The following SCHIP1 variants were observed in gnomAD, a reference collection of about 807,000 sequenced individuals.
SCHIP1 encodes the protein schwannomin-interacting protein 1.
A neutral mutation model predicts 29.7 loss-of-function variants in SCHIP1; 8 were observed. The observed-to-expected ratio is 0.27, with a 90% CI of 0.16 to 0.49. The LOEUF is 0.49. Among genes scored for constraint, SCHIP1 ranks in the 20% least tolerant of loss-of-function variants. The pLI is 0.99. For missense variants in SCHIP1, 193 were observed against 294.6 expected (o/e 0.66, Z 2.52); for synonymous variants, 76 against 94.9 (o/e 0.80, Z 1.16).
the SCHIP1 span, among the ~76,000 whole-genome samples, chr3:159,599,737 C>A: frequency 6.6e-6 from 1 of 152,104 alleles, no homozygotes; most frequent in Non-Finnish European, 1.5e-5. Context: ...ATCTTATTGT[C>A]ATTGCGGTCT....
the SCHIP1 span, among the ~76,000 whole-genome samples, chr3:159,493,869 A>C: frequency 6.6e-6 from 1 of 152,148 alleles, no homozygotes; most frequent in Admixed American, 6.5e-5. Context: ...ACTCCTCAGC[A>C]AATGTAAAAG....
At chr3:159,888,053 T>C (rs1717130745) in intron 4 of SCHIP1, 148 bp downstream of exon 5, 1 of 1,124,660 alleles carries the variant, frequency 8.9e-7, no homozygotes, top group Non-Finnish European at 1.2e-6. Context: ...TTAAGTTTGT[T>C]TCTTTTTCCT....
chr3:159,708,444 A>G, the SCHIP1 span, among the ~76,000 whole-genome samples: 1 of 152,238 alleles, frequency 6.6e-6, no homozygotes, highest in Non-Finnish European at 1.5e-5. Context: ...ATGAAGAGGG[A>G]TGGACAGAAG....
At chr3:159,351,393 T>A in the SCHIP1 span, among the ~76,000 whole-genome samples, 1 of 152,152 alleles carries the variant, frequency 6.6e-6, no homozygotes, top group East Asian at 1.9e-4. Context: ...CATTTTCCAA[T>A]ACCTCCCACT....
the SCHIP1 span, among the ~76,000 whole-genome samples, chr3:159,498,751 T>C: frequency 0.27 from 41,629 of 151,982 alleles, 5,973 homozygotes; most frequent in East Asian, 0.4. Context: ...CCACTAGAAA[T>C]TACTAACGAA....
At chr3:159,828,850 C>T in the SCHIP1 span, among the ~76,000 whole-genome samples, 1 of 152,246 alleles carries the variant, frequency 6.6e-6, no homozygotes, top group African/African-American at 2.4e-5. Context: ...CCCTTATTCC[C>T]CTACACACAT....
the SCHIP1 span, among the ~76,000 whole-genome samples, chr3:159,275,848 A>G: frequency 6.6e-6 from 1 of 152,136 alleles, no homozygotes; most frequent in African/African-American, 2.4e-5. Flanking sequence ...TTTTTTAAAT[A>G]ACATTCTGGT....
chr3:159,469,718 A>G, the SCHIP1 span, among the ~76,000 whole-genome samples: 1 of 152,168 alleles, frequency 6.6e-6, no homozygotes, highest in Non-Finnish European at 1.5e-5. Context: ...CTTCTACATG[A>G]GTCCCTGATG....
chr3:159,523,420 C>A, the SCHIP1 span, among the ~76,000 whole-genome samples: 1 of 151,980 alleles, frequency 6.6e-6, no homozygotes, highest in Non-Finnish European at 1.5e-5. Context: ...AAGTTTATTT[C>A]TTAAAGAATA....
the SCHIP1 span, among the ~76,000 whole-genome samples, chr3:159,470,738 A>G: frequency 1.3e-5 from 2 of 152,136 alleles, no homozygotes; most frequent in East Asian, 3.8e-4. Context: ...TATTTCATCA[A>G]CTGTCGAACC....
At chr3:159,815,851 C>A in the SCHIP1 span, among the ~76,000 whole-genome samples, 1 of 152,080 alleles carries the variant, frequency 6.6e-6, no homozygotes, top group African/African-American at 2.4e-5. Context: ...TCAAATCACT[C>A]CCCTTCCCAT....
At chr3:159,669,813 C>T in the SCHIP1 span, among the ~76,000 whole-genome samples, 1 of 152,160 alleles carries the variant, frequency 6.6e-6, no homozygotes, top group Non-Finnish European at 1.5e-5. Flanking sequence ...AGGCCCTTTC[C>T]AGAGACAACC....
chr3:159,397,556 G>C, the SCHIP1 span, among the ~76,000 whole-genome samples: 2 of 152,136 alleles, frequency 1.3e-5, no homozygotes, highest in South Asian at 4.1e-4. Flanking sequence ...ACCCTCAGCT[G>C]CAGGTCTGTT....
At chr3:159,579,619 G>A in the SCHIP1 span, among the ~76,000 whole-genome samples, 164 of 152,276 alleles carry the variant, frequency 1.1e-3, no homozygotes, top group African/African-American at 3.8e-3. Context: ...GGAGTTGAGA[G>A]GAAGGAATAA....
At chr3:159,710,027 T>C in the SCHIP1 span, among the ~76,000 whole-genome samples, 2 of 152,186 alleles carry the variant, frequency 1.3e-5, no homozygotes, top group Non-Finnish European at 2.9e-5. Flanking sequence ...GAAAATAATA[T>C]GGAGATTCCT....
At chr3:159,677,838 TTTTTG>T in the SCHIP1 span, among the ~76,000 whole-genome samples, 1 of 152,162 alleles carries the variant, frequency 6.6e-6, no homozygotes, top group Non-Finnish European at 1.5e-5. Flanking sequence ...TTGCTCATCT[TTTTTG>T]TTTTGTTTTG....
At chr3:159,695,690 T>C in the SCHIP1 span, among the ~76,000 whole-genome samples, 1 of 152,184 alleles carries the variant, frequency 6.6e-6, no homozygotes, top group Non-Finnish European at 1.5e-5. Context: ...AGTACTACTG[T>C]GAGGATCTAG....
chr3:159,620,090 CAG>C, the SCHIP1 span, among the ~76,000 whole-genome samples: 26 of 152,196 alleles, frequency 1.7e-4, no homozygotes, highest in Non-Finnish European at 3.2e-4. Context: ...TGTAGAAACA[CAG>C]AATCAGCTGG....
chr3:159,764,904 C>G, the SCHIP1 span: 3 of 1,543,706 alleles, frequency 1.9e-6, no homozygotes, highest in Non-Finnish European at 2.6e-6. The surrounding 1 kb of genome is among the most constrained non-coding windows in gnomAD (Gnocchi z 6.1). Context: ...CGAGCTGTTC[C>G]CGGGGCCCCC....
Sources: gnomAD v4.1 joint callset for allele counts (sites outside exome capture counted in the v4.1 genomes callset) on GRCh38, gnomAD v4.1.1 for gene constraint, Gnocchi (gnomAD v3.1) non-coding constraint, MANE v1.5 for transcripts, NCBI Gene and HGNC (gene_info 2026-07-23, HGNC 2026-07-21) for gene names.